Variants in MAPKAPK2 observed in about 807,000 individuals in gnomAD.
MAPKAPK2 encodes the protein MAPK activated protein kinase 2.
Under a neutral mutation model 48.8 loss-of-function variants are expected in MAPKAPK2, and 9 were observed. That is an observed-to-expected ratio of 0.18 (90% CI 0.11 to 0.32). MAPKAPK2 has a LOEUF of 0.32. MAPKAPK2 is among the 10% of genes least tolerant of loss of function. The pLI, the probability that MAPKAPK2 is intolerant of heterozygous loss-of-function variation, is 1.00. For missense variants in MAPKAPK2, 331 were observed against 498.3 expected (o/e 0.66, Z 3.20); for synonymous variants, 202 against 190.6 (o/e 1.06, Z -0.49).
At chr1:206,689,374 A>G (rs1420542519) in intron 1 of MAPKAPK2, among the ~76,000 whole-genome samples, 4 of 152,192 alleles carry the variant, frequency 2.6e-5, no homozygotes, top group Admixed American at 2.0e-4. Context: ...ACATCCCCAC[A>G]GTACAGGCAC....
intron 1 of MAPKAPK2, among the ~76,000 whole-genome samples, chr1:206,691,502 T>TATATATATATATATAC (rs1553426248): frequency 5.3e-5 from 7 of 132,720 alleles, no homozygotes; most frequent in African/African-American, 1.5e-4. Flanking sequence ...TATATATATA[T>TATATATATATATATAC]ATACACACAT....
In MAPKAPK2 at chr1:206,695,230, A is replaced by T. The variant is rs942497737; in HGVS notation, c.279+9722A>T. Among the ~76,000 whole-genome samples the T allele has an allele frequency of 7.9e-5, 12 of 152,294 alleles. No homozygotes were observed. The South Asian group carries it at 2.5e-3, about 32-fold the overall frequency. On this transcript the variant is annotated intron_variant, in intron 1 of 9. Coordinates refer to ENST00000367103, the MANE Select transcript of MAPKAPK2 (RefSeq NM_032960.4). Reference sequence around the variant, plus strand: ...AGAGAGAGAAGGAATAGAGAGTAGTAGGGGGTGGGATGGGTGGTTGAAACA... The same window carrying T: ...AGAGAGAGAAGGAATAGAGAGTAGTTGGGGGTGGGATGGGTGGTTGAAACA...
At chr1:206,696,616 A>G (rs1672632393) in intron 1 of MAPKAPK2, among the ~76,000 whole-genome samples, 1 of 152,186 alleles carries the variant, frequency 6.6e-6, no homozygotes, top group Non-Finnish European at 1.5e-5. Context: ...AGGTGGGAGG[A>G]TCACTTGAGC....
intron 3 of MAPKAPK2, 63 bp downstream of exon 3, chr1:206,729,162 C>T: frequency 1.3e-6 from 2 of 1,527,156 alleles, no homozygotes; most frequent in South Asian, 1.1e-5. Context: ...CTGAAGGGGG[C>T]CTTTGCAGTG....
intron 2 of MAPKAPK2, 64 bp from the exon 3 acceptor site, chr1:206,728,971 G>A (rs990221110): frequency 1.2e-6 from 2 of 1,610,918 alleles, no homozygotes; most frequent in Admixed American, 3.3e-5. Flanking sequence ...TGATTTTTTG[G>A]GGGGCAGTGG....
Position 206,704,127 on chromosome 1 carries a change from G to T in MAPKAPK2, c.279+18619G>T, listed in dbSNP as rs568170249. ...TATATTTTTCCAATCCAAAGTGAGGGTCTATCTGATAGTTTTTCCTGGAGT... is the reference window on the plus strand; with the variant it reads ...TATATTTTTCCAATCCAAAGTGAGGTTCTATCTGATAGTTTTTCCTGGAGT... On this transcript the variant is annotated intron_variant, in intron 1 of 9. Coordinates refer to ENST00000367103, the MANE Select transcript of MAPKAPK2 (RefSeq NM_032960.4). The surrounding 1 kb of genome is among the most constrained non-coding windows in gnomAD (Gnocchi z 4.3). Among the ~76,000 whole-genome samples the T allele has an allele frequency of 6.6e-6, 1 of 152,338 alleles. No individual in the cohort carries two copies. The highest frequency in any genetic ancestry group is 2.1e-4 in the South Asian group (1 of 4,826).
At position 206,729,416 on chromosome 1, in the gene MAPKAPK2, A is replaced by C; in HGVS notation, c.505A>C (p.Ser169Arg). 6.2e-7 allele frequency: 1 copy of C among 1,614,008 alleles called. No individual in the cohort carries two copies. Among genetic ancestry groups the C allele is most frequent in the Non-Finnish European group, 8.5e-7 (1 of 1,179,894 alleles). The change falls in exon 4 of 10, where the codon AGC becomes CGC. Residue 169 changes from serine to arginine, a missense_variant. Transcript: ENST00000367103. ...TEREASEIMK[S>R]IGEAIQYLHS... ...TACAGAAGCATCCGAAATCATGAAG[A>C]GCATCGGTGAGGCCATCCAGTATCT...
intron 1 of MAPKAPK2, among the ~76,000 whole-genome samples, chr1:206,694,382 C>T (rs1457723225): frequency 6.6e-6 from 1 of 152,218 alleles, no homozygotes; most frequent in African/African-American, 2.4e-5. Context: ...CACATTTCCT[C>T]TGCAAGGAAA....
intron 1 of MAPKAPK2, among the ~76,000 whole-genome samples, chr1:206,710,408 G>A (rs989368035): frequency 4.6e-5 from 7 of 152,190 alleles, no homozygotes; most frequent in Admixed American, 3.3e-4. Flanking sequence ...TGAGAAACTC[G>A]TGACATTTTA....
At chr1:206,688,356 C>T (rs1231766837) in intron 1 of MAPKAPK2, among the ~76,000 whole-genome samples, 1 of 152,188 alleles carries the variant, frequency 6.6e-6, no homozygotes, top group Non-Finnish European at 1.5e-5. Context: ...CACTTACTTC[C>T]TAACTGAGCC....
intron 1 of MAPKAPK2, among the ~76,000 whole-genome samples, chr1:206,714,706 A>G (rs1316676741): frequency 6.8e-6 from 1 of 147,120 alleles, no homozygotes; most frequent in African/African-American, 2.5e-5. Context: ...TGGAGGTTGC[A>G]GTGAGCTGAG....
intron 5 of MAPKAPK2, 140 bp downstream of exon 5, chr1:206,730,238 G>A (rs1673859530): frequency 9.7e-7 from 1 of 1,030,766 alleles, no homozygotes; most frequent in Non-Finnish European, 1.4e-6. Flanking sequence ...GCTGGGACCT[G>A]CTGAGAAGTA....
intron 1 of MAPKAPK2, among the ~76,000 whole-genome samples, chr1:206,722,049 G>A (rs1273008946): frequency 1.3e-5 from 2 of 149,020 alleles, no homozygotes; most frequent in Admixed American, 6.7e-5. Flanking sequence ...TGGGTAATGA[G>A]AGTGAAACTC....
intron 1 of MAPKAPK2, among the ~76,000 whole-genome samples, chr1:206,717,680 C>T (rs1404403299): frequency 6.6e-6 from 1 of 152,204 alleles, no homozygotes; most frequent in Non-Finnish European, 1.5e-5. Context: ...CATCTGTGCT[C>T]TCCTGCCTCT....
At position 206,729,419 on chromosome 1, in the gene MAPKAPK2, A is replaced by C; in HGVS notation, c.508A>C (p.Ile170Leu). Residue 170 changes from isoleucine to leucine, a missense_variant, in exon 4 of 10, where the codon ATC becomes CTC. By Grantham distance (5) the Ile-to-Leu change is conservative (BLOSUM62 2). This residue lies in a region of MAPKAPK2 where 111 missense variants were observed against 193.6 expected (regional missense o/e 0.57). Transcript: ENST00000367103. ...EREASEIMKS[I>L]GEAIQYLHSI... Reference sequence around the variant, plus strand: ...AGAAGCATCCGAAATCATGAAGAGCATCGGTGAGGCCATCCAGTATCTGCA... The same window carrying C: ...AGAAGCATCCGAAATCATGAAGAGCCTCGGTGAGGCCATCCAGTATCTGCA... 1 of 1,614,096 alleles carries C rather than the reference A, an allele frequency of 6.2e-7. No homozygotes were observed. The highest frequency in any genetic ancestry group is 1.1e-5 in the South Asian group (1 of 91,084).
At chr1:206,729,910 C>T (rs143899247) in intron 4 of MAPKAPK2, 62 bp from the exon 5 acceptor site, 11 of 1,604,230 alleles carry the variant, frequency 6.9e-6, no homozygotes, top group African/African-American at 2.7e-5. Context: ...GGATCCTTTT[C>T]GTTTCTGATA....
At chr1:206,717,581 C>T (rs1262326311) in intron 1 of MAPKAPK2, among the ~76,000 whole-genome samples, 2 of 152,178 alleles carry the variant, frequency 1.3e-5, no homozygotes, top group Non-Finnish European at 2.9e-5. Context: ...GTTACATCCT[C>T]TGGGAAGATG....
At chr1:206,706,670 C>T (rs1246574749) in intron 1 of MAPKAPK2, among the ~76,000 whole-genome samples, 1 of 152,216 alleles carries the variant, frequency 6.6e-6, no homozygotes, top group Non-Finnish European at 1.5e-5. Context: ...CCTCCTTCCC[C>T]TCAGCTGGGT....
chr1:206,688,823 A>G (rs1013276882), intron 1 of MAPKAPK2, among the ~76,000 whole-genome samples: 8 of 151,794 alleles, frequency 5.3e-5, no homozygotes, highest in Non-Finnish European at 8.8e-5. Flanking sequence ...TTTAGTAGAG[A>G]TGGGGTTTCA....
Sources: gnomAD v4.1 joint callset for allele counts (sites outside exome capture counted in the v4.1 genomes callset) on GRCh38, gnomAD v4.1.1 for gene constraint, gnomAD v4.1.1 regional missense constraint, Gnocchi (gnomAD v3.1) non-coding constraint, MANE v1.5 for transcripts, NCBI Gene and HGNC (gene_info 2026-07-23, HGNC 2026-07-21) for gene names.